Variants in CATSPERT observed in about 807,000 individuals in gnomAD.
The protein encoded by CATSPERT is cation channel sperm-associated targeting subunit tau.
At chr2:201,541,531 TTATA>T in the CATSPERT span, among the ~76,000 whole-genome samples, 1,400 of 92,416 alleles carry the variant, frequency 0.015, 12 homozygotes, top group Non-Finnish European at 0.021. Context: ...TCAGATGATT[TTATA>T]TATATATATA....
At chr2:201,571,997 A>T in the CATSPERT span, 4 of 1,613,054 alleles carry the variant, frequency 2.5e-6, no homozygotes, top group African/African-American at 5.3e-5. Flanking sequence ...TGGATGGCTC[A>T]GTAATTTTCT....
At chr2:201,575,460 A>G in the CATSPERT span, 1 of 480,282 alleles carries the variant, frequency 2.1e-6, no homozygotes, top group Non-Finnish European at 3.5e-6. Flanking sequence ...TGGGCTGCAC[A>G]GCAGGAAATG....
At chr2:201,514,441 A>G in the CATSPERT span, among the ~76,000 whole-genome samples, 1 of 152,224 alleles carries the variant, frequency 6.6e-6, no homozygotes, top group South Asian at 2.1e-4. Context: ...ACATATGATC[A>G]TATCAGTAAT....
At chr2:201,547,485 G>A in the CATSPERT span, 4 of 1,269,378 alleles carry the variant, frequency 3.2e-6, no homozygotes, top group Non-Finnish European at 4.4e-6. Context: ...ATATATAGGA[G>A]AATGTATTAT....
the CATSPERT span, among the ~76,000 whole-genome samples, chr2:201,600,656 T>C: frequency 6.6e-6 from 1 of 151,958 alleles, no homozygotes; most frequent in African/African-American, 2.4e-5. Flanking sequence ...ATATGGAGCA[T>C]AGAGGAGAAA....
At chr2:201,574,335 C>A in the CATSPERT span, 1 of 1,391,178 alleles carries the variant, frequency 7.2e-7, no homozygotes, top group Non-Finnish European at 9.8e-7. Flanking sequence ...GGAGAAGGGA[C>A]AAAAAGTGAT....
the CATSPERT span, chr2:201,551,060 A>T: frequency 6.6e-6 from 1 of 152,236 alleles, no homozygotes; most frequent in Non-Finnish European, 1.5e-5. Flanking sequence ...TTCTTGAGCA[A>T]CATGAGCTTG....
chr2:201,531,689 G>C, the CATSPERT span, among the ~76,000 whole-genome samples: 12 of 152,246 alleles, frequency 7.9e-5, no homozygotes, highest in East Asian at 1.5e-3. Context: ...GCAGGGGAGA[G>C]CACTCCCCTG....
At chr2:201,562,319 G>C in the CATSPERT span, among the ~76,000 whole-genome samples, 2 of 150,508 alleles carry the variant, frequency 1.3e-5, no homozygotes, top group African/African-American at 4.9e-5. Context: ...TCCCGAGTAG[G>C]TGGGACTACA....
chr2:201,595,027 G>T, the CATSPERT span, among the ~76,000 whole-genome samples: 4 of 152,150 alleles, frequency 2.6e-5, no homozygotes. Context: ...GTGAGGAACT[G>T]CGTTCCTTTG....
At chr2:201,585,931 C>T in the CATSPERT span, among the ~76,000 whole-genome samples, 1 of 152,038 alleles carries the variant, frequency 6.6e-6, no homozygotes, top group Non-Finnish European at 1.5e-5. Flanking sequence ...AATGTGCCTG[C>T]CTCTCCTGCC....
the CATSPERT span, among the ~76,000 whole-genome samples, chr2:201,520,013 T>C: frequency 6.6e-6 from 1 of 152,108 alleles, no homozygotes; most frequent in Non-Finnish European, 1.5e-5. Flanking sequence ...CAAGCAGGGA[T>C]AGCTATACCT....
the CATSPERT span, among the ~76,000 whole-genome samples, chr2:201,591,815 C>A: frequency 4.6e-5 from 7 of 151,714 alleles, no homozygotes; most frequent in Non-Finnish European, 5.9e-5. Context: ...AGAATGCTTG[C>A]GATTTTTGTA....
chr2:201,513,111 AAAAAT>A, the CATSPERT span, among the ~76,000 whole-genome samples: 3 of 151,474 alleles, frequency 2.0e-5, no homozygotes, highest in African/African-American at 7.2e-5. Context: ...AGAAAAATAA[AAAAAT>A]AAAAAAAAGA....
the CATSPERT span, chr2:201,555,454 G>T: frequency 6.6e-6 from 1 of 152,214 alleles, no homozygotes; most frequent in Non-Finnish European, 1.5e-5. Flanking sequence ...GGCAGAGGTT[G>T]CAGGAAGCCA....
At chr2:201,591,726 T>A in the CATSPERT span, among the ~76,000 whole-genome samples, 1 of 152,060 alleles carries the variant, frequency 6.6e-6, no homozygotes, top group African/African-American at 2.4e-5. Context: ...GATTCCTAGG[T>A]ATTTTATTCT....
the CATSPERT span, among the ~76,000 whole-genome samples, chr2:201,609,663 A>G: frequency 2.0e-5 from 3 of 152,202 alleles, no homozygotes; most frequent in African/African-American, 2.4e-5. Flanking sequence ...AACACAACAT[A>G]CCAAAACTAT....
the CATSPERT span, among the ~76,000 whole-genome samples, chr2:201,605,106 A>C: frequency 5.3e-5 from 8 of 151,858 alleles, no homozygotes; most frequent in African/African-American, 1.9e-4. Context: ...GCACACATGC[A>C]CACACATATA....
chr2:201,513,182 T>C, the CATSPERT span, among the ~76,000 whole-genome samples: 3 of 151,614 alleles, frequency 2.0e-5, no homozygotes, highest in African/African-American at 7.3e-5. Context: ...ATTCACAAAC[T>C]ACGAGTCTGA....
Sources: gnomAD v4.1 joint callset for allele counts (sites outside exome capture counted in the v4.1 genomes callset) on GRCh38, gnomAD v4.1.1 for gene constraint, MANE v1.5 for transcripts, NCBI Gene and HGNC (gene_info 2026-07-23, HGNC 2026-07-21) for gene names.